Variants in ASAP2 observed in about 807,000 individuals in gnomAD.
The protein encoded by ASAP2 is ArfGAP with SH3 domain, ankyrin repeat and PH domain 2.
A neutral mutation model predicts 131.4 loss-of-function variants in ASAP2; 45 were observed. The observed-to-expected ratio is 0.34, with a 90% CI of 0.27 to 0.44. The LOEUF (loss-of-function observed/expected upper bound fraction) is 0.44. Among genes scored for constraint, ASAP2 ranks in the 20% least tolerant of loss-of-function variants. ASAP2 has a pLI of 1.00. For synonymous variants in ASAP2, 510 were observed against 503.0 expected (o/e 1.01, Z -0.19); for missense variants, 1,011 against 1,297.0 (o/e 0.78, Z 3.39).
At chr2:9,315,956 A>G (rs1481714575) in intron 3 of ASAP2, among the ~76,000 whole-genome samples, 1 of 152,194 alleles carries the variant, frequency 6.6e-6, no homozygotes, top group African/African-American at 2.4e-5. Flanking sequence ...TTTATTTAGC[A>G]GAATTGGCTG....
chr2:9,280,261 G>A (rs953316907), intron 2 of ASAP2, among the ~76,000 whole-genome samples: 2 of 152,178 alleles, frequency 1.3e-5, no homozygotes, highest in African/African-American at 4.8e-5. Flanking sequence ...AGTGAAAGGG[G>A]TGATTGGAAC....
chr2:9,248,928 A>C (rs1044940453), intron 1 of ASAP2, among the ~76,000 whole-genome samples: 4 of 152,270 alleles, frequency 2.6e-5, no homozygotes, highest in Middle Eastern at 6.8e-3. Context: ...CATGTCCCCA[A>C]ATCCAGAAGG....
chr2:9,306,284 G>A (rs527236485), intron 3 of ASAP2, among the ~76,000 whole-genome samples: 1 of 151,712 alleles, frequency 6.6e-6, no homozygotes, highest in South Asian at 2.1e-4. Context: ...AGAGATACCG[G>A]GTGGGAGGGC....
intron 26 of ASAP2, 79 bp downstream of exon 26, chr2:9,400,909 CAAG>C: frequency 1.5e-6 from 2 of 1,366,188 alleles, no homozygotes; most frequent in Non-Finnish European, 2.1e-6. Flanking sequence ...TCAGGGGAAG[CAAG>C]TCTTCCCCTC....
chr2:9,264,348 G>T (rs578120310), intron 1 of ASAP2, among the ~76,000 whole-genome samples: 2 of 152,296 alleles, frequency 1.3e-5, no homozygotes, highest in South Asian at 2.1e-4. Context: ...GACTGGGGGG[G>T]CCCGTGCTGG....
chr2:9,375,081 G>T, intron 17 of ASAP2, 137 bp downstream of exon 17: 1 of 550,858 alleles, frequency 1.8e-6, no homozygotes, highest in Non-Finnish European at 2.8e-6. Context: ...ATCAGCCTGG[G>T]CACCATAGGG....
chr2:9,356,804 G>A (rs1353533431), intron 14 of ASAP2, among the ~76,000 whole-genome samples: 1 of 152,116 alleles, frequency 6.6e-6, no homozygotes, highest in Non-Finnish European at 1.5e-5. Flanking sequence ...GTTAAACATC[G>A]ATTTTCCTGT....
At chr2:9,284,815 T>TA (rs1667364865) in intron 2 of ASAP2, among the ~76,000 whole-genome samples, 1 of 152,178 alleles carries the variant, frequency 6.6e-6, no homozygotes. Flanking sequence ...GGGGTGAACT[T>TA]ACAATTTTAG....
chr2:9,384,599 T>C (rs767823721), intron 20 of ASAP2, among the ~76,000 whole-genome samples: 12 of 152,230 alleles, frequency 7.9e-5, no homozygotes, highest in Non-Finnish European at 1.3e-4. Context: ...CTGGAGTGGC[T>C]CATAGAACTC....
At chr2:9,223,862 G>A (rs1056469994) in intron 1 of ASAP2, among the ~76,000 whole-genome samples, 4 of 152,070 alleles carry the variant, frequency 2.6e-5, no homozygotes, top group Non-Finnish European at 5.9e-5. Context: ...ATCCTTGCAG[G>A]TCTCACTAAG....
chr2:9,382,172 C>T (rs1184842137), intron 20 of ASAP2, among the ~76,000 whole-genome samples: 3 of 152,042 alleles, frequency 2.0e-5, no homozygotes, highest in Non-Finnish European at 2.9e-5. Context: ...TTAATAGAGA[C>T]GGGGTTTCAC....
chr2:9,313,579 C>A (rs919549211), intron 3 of ASAP2, among the ~76,000 whole-genome samples: 1 of 152,220 alleles, frequency 6.6e-6, no homozygotes. Flanking sequence ...TGCCGGACAG[C>A]GACTCTAATC....
intron 3 of ASAP2, among the ~76,000 whole-genome samples, chr2:9,299,363 C>T (rs186221207): frequency 1.3e-5 from 2 of 152,192 alleles, no homozygotes; most frequent in East Asian, 3.9e-4. Context: ...CCATTAAAAT[C>T]GTGAGGAAAC....
intron 1 of ASAP2, among the ~76,000 whole-genome samples, chr2:9,256,997 G>C (rs1428701878): frequency 6.6e-6 from 1 of 152,164 alleles, no homozygotes; most frequent in African/African-American, 2.4e-5. Flanking sequence ...AGTGCCTCCT[G>C]CCTGCTAACA....
chr2:9,403,118 C>A, intron 27 of ASAP2, 135 bp from the exon 28 acceptor site: 1 of 688,936 alleles, frequency 1.5e-6, no homozygotes, highest in Non-Finnish European at 2.5e-6. Flanking sequence ...GGATGTTTTA[C>A]CTAAGTAATT....
intron 16 of ASAP2, among the ~76,000 whole-genome samples, chr2:9,371,359 A>G (rs140227385): frequency 6.6e-6 from 1 of 152,186 alleles, no homozygotes; most frequent in Non-Finnish European, 1.5e-5. Flanking sequence ...TATTTTTCTG[A>G]TGAATTACTT....
intron 2 of ASAP2, among the ~76,000 whole-genome samples, chr2:9,287,269 A>G (rs1158966939): frequency 6.6e-6 from 1 of 152,244 alleles, no homozygotes; most frequent in Admixed American, 6.5e-5. Flanking sequence ...GAAAAATTCC[A>G]GGTGGTTTTG....
chr2:9,377,723 A>G (rs1376858981), intron 18 of ASAP2, among the ~76,000 whole-genome samples: 1 of 152,232 alleles, frequency 6.6e-6, no homozygotes, highest in African/African-American at 2.4e-5. Context: ...TCCAAAATGC[A>G]AAAGCCATGG....
intron 2 of ASAP2, among the ~76,000 whole-genome samples, chr2:9,284,517 T>G (rs1667342271): frequency 6.6e-6 from 1 of 152,152 alleles, no homozygotes; most frequent in African/African-American, 2.4e-5. Flanking sequence ...GCCTGTGACA[T>G]TAGGACGATT....
Sources: gnomAD v4.1 joint callset for allele counts (sites outside exome capture counted in the v4.1 genomes callset) on GRCh38, gnomAD v4.1.1 for gene constraint, MANE v1.5 for transcripts, NCBI Gene and HGNC (gene_info 2026-07-23, HGNC 2026-07-21) for gene names.